The following SLC24A2 variants were observed in gnomAD, a reference collection of about 807,000 sequenced individuals.
The protein encoded by SLC24A2 is sodium/potassium/calcium exchanger 2.
A neutral mutation model predicts 62.0 loss-of-function variants in SLC24A2; 36 were observed. The observed-to-expected ratio is 0.58, with a 90% CI of 0.44 to 0.77. The LOEUF (loss-of-function observed/expected upper bound fraction) is 0.77. Among genes scored for constraint, SLC24A2 ranks in the 30% least tolerant of loss-of-function variants. The pLI is 0.00. For synonymous variants in SLC24A2, 358 were observed against 294.0 expected (o/e 1.22, Z -2.23); for missense variants, 846 against 817.9 (o/e 1.03, Z -0.42).
chr9:19,868,484 TGTTA>T, the SLC24A2 span, among the ~76,000 whole-genome samples: 7 of 152,238 alleles, frequency 4.6e-5, no homozygotes, highest in Admixed American at 2.6e-4. Flanking sequence ...ATTCTATAAA[TGTTA>T]GTTAGGTCAA....
At chr9:20,305,483 A>G in the SLC24A2 span, among the ~76,000 whole-genome samples, 1 of 152,190 alleles carries the variant, frequency 6.6e-6, no homozygotes, top group African/African-American at 2.4e-5. Flanking sequence ...ATAGCAATTA[A>G]CATCTTTAAA....
At chr9:19,655,637 C>T (rs1447407749) in intron 2 of SLC24A2, among the ~76,000 whole-genome samples, 13 of 152,074 alleles carry the variant, frequency 8.5e-5, no homozygotes, top group Admixed American at 8.5e-4. Context: ...GGTATCAGTG[C>T]ACTAATTGGT....
At chr9:19,906,006 C>A in the SLC24A2 span, among the ~76,000 whole-genome samples, 1 of 152,182 alleles carries the variant, frequency 6.6e-6, no homozygotes, top group African/African-American at 2.4e-5. Context: ...CTCTCCACCC[C>A]AAATCAACAG....
chr9:19,984,831 T>G, the SLC24A2 span, among the ~76,000 whole-genome samples: 1 of 152,166 alleles, frequency 6.6e-6, no homozygotes, highest in Non-Finnish European at 1.5e-5. Context: ...GATATCTACA[T>G]GCAAAATAGT....
chr9:20,254,548 C>T, the SLC24A2 span, among the ~76,000 whole-genome samples: 1 of 152,262 alleles, frequency 6.6e-6, no homozygotes, highest in South Asian at 2.1e-4. Context: ...CTGTATGTAA[C>T]AAGTTGTACC....
the SLC24A2 span, among the ~76,000 whole-genome samples, chr9:20,274,604 G>A: frequency 6.6e-6 from 1 of 152,080 alleles, no homozygotes; most frequent in Non-Finnish European, 1.5e-5. Context: ...CCCTGGAAAG[G>A]CTCTAGTCTA....
the SLC24A2 span, among the ~76,000 whole-genome samples, chr9:20,293,199 A>G: frequency 1.6e-4 from 25 of 152,226 alleles, no homozygotes; most frequent in Non-Finnish European, 2.1e-4. Flanking sequence ...TCTATTTGCA[A>G]ATAATATCAA....
the SLC24A2 span, among the ~76,000 whole-genome samples, chr9:20,249,704 C>CAAAAAA: frequency 4.2e-3 from 318 of 76,524 alleles, 12 homozygotes; most frequent in African/African-American, 0.014. Context: ...AACTCTGTCT[C>CAAAAAA]AAAAAAAAAA....
chr9:19,853,565 T>C, the SLC24A2 span, among the ~76,000 whole-genome samples: 1 of 152,242 alleles, frequency 6.6e-6, no homozygotes, highest in African/African-American at 2.4e-5. Flanking sequence ...ATTGAGATAA[T>C]CATGTGGATA....
intron 8 of SLC24A2, among the ~76,000 whole-genome samples, chr9:19,547,160 G>A (rs1157769851): frequency 2.0e-5 from 3 of 152,094 alleles, no homozygotes; most frequent in Non-Finnish European, 4.4e-5. Flanking sequence ...ATAAATATTT[G>A]TGAAGGAAGT....
intron 2 of SLC24A2, among the ~76,000 whole-genome samples, chr9:19,747,269 T>C (rs1479682977): frequency 6.6e-6 from 1 of 152,120 alleles, no homozygotes; most frequent in Admixed American, 6.6e-5. Context: ...TTGATATCTA[T>C]CATTCCCATG....
chr9:19,772,860 A>C (rs531908167), intron 2 of SLC24A2, among the ~76,000 whole-genome samples: 9 of 152,304 alleles, frequency 5.9e-5, no homozygotes, highest in African/African-American at 2.2e-4. Flanking sequence ...AAGAGAACTA[A>C]AAACATGTAT....
the SLC24A2 span, among the ~76,000 whole-genome samples, chr9:19,962,335 T>G: frequency 6.6e-6 from 1 of 152,226 alleles, no homozygotes; most frequent in East Asian, 1.9e-4. Context: ...TAGGATTGAC[T>G]TGGCGATGCG....
chr9:20,067,925 T>C, the SLC24A2 span, among the ~76,000 whole-genome samples: 5 of 152,164 alleles, frequency 3.3e-5, no homozygotes, highest in African/African-American at 1.2e-4. Context: ...CTGGGTCAAA[T>C]GGTGGCTCTA....
chr9:19,875,987 G>T, the SLC24A2 span, among the ~76,000 whole-genome samples: 2 of 152,136 alleles, frequency 1.3e-5, no homozygotes, highest in African/African-American at 4.8e-5. Flanking sequence ...TGGGAAAAAT[G>T]CAAGAGTTAG....
intron 2 of SLC24A2, among the ~76,000 whole-genome samples, chr9:19,676,105 A>C (rs1169253656): frequency 7.2e-5 from 11 of 152,172 alleles, no homozygotes. Context: ...CTCAGCTCCA[A>C]GTAAGGTCAA....
intron 7 of SLC24A2, among the ~76,000 whole-genome samples, chr9:19,572,289 T>C (rs1390817564): frequency 1.4e-5 from 2 of 145,422 alleles, no homozygotes; most frequent in East Asian, 2.0e-4. Flanking sequence ...AAAATGGAGC[T>C]ACTAATGCCT....
chr9:19,723,395 C>G (rs1463244559), intron 2 of SLC24A2, among the ~76,000 whole-genome samples: 1 of 152,074 alleles, frequency 6.6e-6, no homozygotes, highest in East Asian at 1.9e-4. Context: ...ACATCTGGTA[C>G]TCTCACCTCA....
At chr9:20,014,301 T>C in the SLC24A2 span, among the ~76,000 whole-genome samples, 3 of 151,982 alleles carry the variant, frequency 2.0e-5, no homozygotes, top group African/African-American at 4.8e-5. Context: ...AGTACAGCCA[T>C]TGTGAAAAGC....
Sources: gnomAD v4.1 joint callset for allele counts (sites outside exome capture counted in the v4.1 genomes callset) on GRCh38, gnomAD v4.1.1 for gene constraint, MANE v1.5 for transcripts, NCBI Gene and HGNC (gene_info 2026-07-23, HGNC 2026-07-21) for gene names.